SH3BGR: variants seen among roughly 807,000 people sequenced by gnomAD.
The protein encoded by SH3BGR is SH3 domain binding glutamate rich protein, also known as SH3 domain-binding glutamic acid-rich protein.
Under a neutral mutation model 24.5 loss-of-function variants are expected in SH3BGR, and 29 were observed. The observed-to-expected ratio is 1.18, with a 90% confidence interval of 0.88 to 1.61. The LOEUF (loss-of-function observed/expected upper bound fraction) is 1.61. Ranked by LOEUF, SH3BGR falls within the 40% of genes most tolerant of loss-of-function variation. The pLI is 0.00. For missense variants in SH3BGR, 162 were observed against 205.8 expected (o/e 0.79, Z 1.30); for synonymous variants, 55 against 65.7 (o/e 0.84, Z 0.79).
At chr21:39,501,645 A>C (rs776192997) in intron 4 of SH3BGR, among the ~76,000 whole-genome samples, 12 of 152,234 alleles carry the variant, frequency 7.9e-5, no homozygotes, top group Non-Finnish European at 1.3e-4. Flanking sequence ...TTGAAAACCA[A>C]CACATGCTCT....
chr21:39,457,484 A>G (rs2077680496), intron 1 of SH3BGR, among the ~76,000 whole-genome samples: 1 of 145,222 alleles, frequency 6.9e-6, no homozygotes, highest in Non-Finnish European at 1.5e-5. Flanking sequence ...AGTTATATAT[A>G]TAAATCTTAT....
intron 1 of SH3BGR, among the ~76,000 whole-genome samples, chr21:39,446,764 C>CT (rs2077481032): frequency 6.6e-6 from 1 of 152,078 alleles, no homozygotes; most frequent in South Asian, 2.1e-4. Context: ...TTTGTAAGGA[C>CT]TTTTGATGCT....
At chr21:39,483,205 T>G (rs2078158913) in intron 3 of SH3BGR, among the ~76,000 whole-genome samples, 1 of 152,220 alleles carries the variant, frequency 6.6e-6, no homozygotes, top group Admixed American at 6.5e-5. Context: ...AAAAACAGAC[T>G]TTAGAAAATT....
chr21:39,478,124 A>C (rs914840419), intron 3 of SH3BGR, among the ~76,000 whole-genome samples: 5 of 152,188 alleles, frequency 3.3e-5, no homozygotes, highest in Non-Finnish European at 5.9e-5. Flanking sequence ...GCTATAAAAG[A>C]TTGTTTTCTG....
At position 39,511,828 on chromosome 21, in the gene SH3BGR, G is replaced by A. The variant is rs2078701516; in HGVS notation, c.*34+19G>A. ...TCTCCAGGTAGCTACAGGATTCTGG[G>A]GTGGAAAAGCTGCTAGTTACCGTAC... On this transcript the variant is annotated intron_variant, in intron 6 of 6. Coordinates refer to ENST00000333634, the MANE Select transcript of SH3BGR (RefSeq NM_007341.3). The surrounding 1 kb of genome is among the most constrained non-coding windows in gnomAD (Gnocchi z 4.2). The A allele has an allele frequency of 1.9e-6, 3 of 1,588,636 alleles. No individual in the cohort carries two copies. Among genetic ancestry groups the A allele is most frequent in the Non-Finnish European group, 1.7e-6 (2 of 1,170,806 alleles).
At chr21:39,446,160 A>G (rs1032711632) in intron 1 of SH3BGR, 1 of 115,832 alleles carries the variant, frequency 8.6e-6, no homozygotes, top group South Asian at 3.2e-4. Flanking sequence ...CCCTTGTCAT[A>G]AAGACGATTT....
intron 4 of SH3BGR, among the ~76,000 whole-genome samples, chr21:39,506,729 T>C (rs1402338421): frequency 6.6e-6 from 1 of 152,116 alleles, no homozygotes; most frequent in Non-Finnish European, 1.5e-5. Context: ...CACGTGGTGA[T>C]GATTGCAAGT....
intron 1 of SH3BGR, among the ~76,000 whole-genome samples, chr21:39,459,036 TG>T (rs1265258922): frequency 6.6e-6 from 1 of 151,880 alleles, no homozygotes; most frequent in African/African-American, 2.4e-5. Context: ...ATTAGTTCTG[TG>T]GTTTTTTTTT....
At chr21:39,485,979 C>A (rs917425515) in intron 3 of SH3BGR, among the ~76,000 whole-genome samples, 1 of 152,170 alleles carries the variant, frequency 6.6e-6, no homozygotes, top group Non-Finnish European at 1.5e-5. Flanking sequence ...TGAGCCACCA[C>A]GCCCGGCCGG....
chr21:39,487,245 C>T (rs1001596542), intron 3 of SH3BGR, among the ~76,000 whole-genome samples: 4 of 152,038 alleles, frequency 2.6e-5, no homozygotes, highest in African/African-American at 9.7e-5. Flanking sequence ...TGGGCTCAAG[C>T]GATCCTCCCA....
intron 1 of SH3BGR, among the ~76,000 whole-genome samples, chr21:39,457,485 T>A (rs1361178834): frequency 2.1e-5 from 3 of 145,336 alleles, no homozygotes; most frequent in Non-Finnish European, 3.0e-5. Flanking sequence ...GTTATATATA[T>A]AAATCTTATA....
intron 1 of SH3BGR, among the ~76,000 whole-genome samples, chr21:39,459,041 T>G (rs2077711591): frequency 6.6e-6 from 1 of 152,032 alleles, no homozygotes; most frequent in Non-Finnish European, 1.5e-5. Flanking sequence ...TTCTGTGGTT[T>G]TTTTTTTTTC....
chr21:39,470,957 T>G (rs962208694), intron 2 of SH3BGR, among the ~76,000 whole-genome samples: 1 of 152,240 alleles, frequency 6.6e-6, no homozygotes, highest in Non-Finnish European at 1.5e-5. Context: ...GGCTGATGTT[T>G]ATTTTTTCTA....
At chr21:39,470,096 T>A (rs2077913007) in intron 2 of SH3BGR, among the ~76,000 whole-genome samples, 1 of 152,148 alleles carries the variant, frequency 6.6e-6, no homozygotes, top group African/African-American at 2.4e-5. Flanking sequence ...TTTTGCAGTT[T>A]TTTTAATCCT....
intron 3 of SH3BGR, among the ~76,000 whole-genome samples, chr21:39,485,206 G>A (rs929237055): frequency 3.3e-5 from 5 of 152,190 alleles, no homozygotes; most frequent in African/African-American, 4.8e-5. Context: ...CAGGACCTAG[G>A]TTACATAACC....
intron 3 of SH3BGR, 75 bp downstream of exon 3, chr21:39,475,290 C>A: frequency 1.2e-6 from 1 of 849,202 alleles, no homozygotes; most frequent in South Asian, 1.4e-5. Flanking sequence ...GCATCCAAGA[C>A]TGTTTAATAC....
intron 3 of SH3BGR, among the ~76,000 whole-genome samples, chr21:39,485,210 C>T (rs1051663915): frequency 6.6e-6 from 1 of 152,142 alleles, no homozygotes; most frequent in African/African-American, 2.4e-5. Flanking sequence ...ACCTAGGTTA[C>T]ATAACCAATG....
In SH3BGR at chr21:39,510,398, TACAC is replaced by T. The variant is rs34806393; in HGVS notation, c.436-1261_436-1258del. Among the ~76,000 whole-genome samples, 514 of 111,624 alleles carry T rather than the reference TACAC, an allele frequency of 4.6e-3. 5 individuals carry two copies. Among genetic ancestry groups the T allele is most frequent in the East Asian group, 0.011 (43 of 3,940 alleles). The allele number at this position is 111,624 out of a possible 152,430, so 73.2% of individuals were successfully genotyped here. A position where few individuals can be genotyped will look rare whatever the true frequency, so the allele number is the denominator to read the frequency against. The stretch of plus-strand genomic sequence containing the variant: ...CACACACACACACACACACTGTAGC[TACAC>T]ACACACACACACACACACACTGTAG... On this transcript the variant is annotated intron_variant, in intron 5 of 6. Coordinates refer to ENST00000333634, the MANE Select transcript of SH3BGR (RefSeq NM_007341.3).
chr21:39,465,424 C>G (rs1006512259), intron 2 of SH3BGR, among the ~76,000 whole-genome samples: 10 of 152,192 alleles, frequency 6.6e-5, no homozygotes, highest in African/African-American at 1.9e-4. Context: ...GCTCGTCCTA[C>G]TCTGAGGCAG....
Sources: allele counts gnomAD v4.1 joint callset (sites outside exome capture counted in the v4.1 genomes callset), GRCh38; gene constraint gnomAD v4.1.1; non-coding constraint Gnocchi (gnomAD v3.1); transcripts MANE v1.5; gene names NCBI Gene and HGNC (gene_info 2026-07-23, HGNC 2026-07-21).